Variants in GPC5 observed in about 807,000 individuals in gnomAD.
The protein encoded by GPC5 is glypican-5.
GPC5 carries 47 observed loss-of-function variants against 53.9 expected under a neutral mutation model. The observed-to-expected ratio is 0.87, with a 90% CI of 0.69 to 1.11. The LOEUF is 1.11. Among genes scored for constraint, GPC5 ranks in the 50% most tolerant of loss-of-function variants. The probability of loss-of-function intolerance (pLI) is 0.00; values close to 1 mark genes in which losing one functional copy is unlikely to be tolerated. For missense variants in GPC5, 748 were observed against 713.1 expected (o/e 1.05, Z -0.56); for synonymous variants, 286 against 263.3 (o/e 1.09, Z -0.84).
chr13:91,610,020 A>T (rs1289591122), intron 2 of GPC5, among the ~76,000 whole-genome samples: 1 of 152,138 alleles, frequency 6.6e-6, no homozygotes, highest in South Asian at 2.1e-4. Context: ...GCAACTATTT[A>T]TTTGGTACTT....
At chr13:91,583,472 G>A (rs1339447248) in intron 2 of GPC5, among the ~76,000 whole-genome samples, 5 of 152,124 alleles carry the variant, frequency 3.3e-5, no homozygotes, top group Non-Finnish European at 7.4e-5. Context: ...AAAGAGACAT[G>A]TCCTTGAAAA....
intron 6 of GPC5, among the ~76,000 whole-genome samples, chr13:92,136,349 A>G (rs2041784057): frequency 6.6e-6 from 1 of 152,116 alleles, no homozygotes; most frequent in Non-Finnish European, 1.5e-5. Context: ...TTATAATTGC[A>G]TGTATATATC....
chr13:92,267,471 A>G (rs1390784268), intron 7 of GPC5, among the ~76,000 whole-genome samples: 1 of 151,834 alleles, frequency 6.6e-6, no homozygotes. Flanking sequence ...GCCATACCAC[A>G]CTGTCCGGGT....
intron 6 of GPC5, among the ~76,000 whole-genome samples, chr13:91,917,314 G>T (rs759754393): frequency 1.3e-5 from 2 of 152,208 alleles, no homozygotes; most frequent in Non-Finnish European, 2.9e-5. Flanking sequence ...CTCACATCCA[G>T]GTCACACTGA....
At chr13:91,678,627 C>T (rs1301155362) in intron 2 of GPC5, among the ~76,000 whole-genome samples, 1 of 151,738 alleles carries the variant, frequency 6.6e-6, no homozygotes, top group Non-Finnish European at 1.5e-5. Context: ...ATTCTTAGAG[C>T]AATAAATATG....
At chr13:91,996,015 G>A (rs991254609) in intron 6 of GPC5, 3 of 152,212 alleles carry the variant, frequency 2.0e-5, no homozygotes, top group African/African-American at 7.2e-5. Context: ...CCCTCTTTGG[G>A]TTGTGGCACT....
intron 7 of GPC5, among the ~76,000 whole-genome samples, chr13:92,554,563 C>T (rs1053394671): frequency 1.4e-5 from 2 of 146,404 alleles, no homozygotes; most frequent in African/African-American, 2.5e-5. Context: ...CTTAATGAAA[C>T]AAAAATTCAT....
intron 7 of GPC5, among the ~76,000 whole-genome samples, chr13:92,267,440 G>A (rs1298888946): frequency 1.3e-5 from 2 of 151,898 alleles, no homozygotes; most frequent in Non-Finnish European, 2.9e-5. Flanking sequence ...TCTGTTCTTT[G>A]TATTTCTTTT....
intron 5 of GPC5, among the ~76,000 whole-genome samples, chr13:91,854,099 G>GTTCT (rs2038942248): frequency 6.8e-6 from 1 of 146,278 alleles, no homozygotes; most frequent in South Asian, 2.5e-4. Context: ...AGGTACCAGT[G>GTTCT]TTCTATGAGC....
At chr13:92,862,217 C>T (rs567887522) in intron 7 of GPC5, among the ~76,000 whole-genome samples, 1 of 152,132 alleles carries the variant, frequency 6.6e-6, no homozygotes, top group Non-Finnish European at 1.5e-5. Flanking sequence ...TTAATTATAT[C>T]AAACTTCCTA....
intron 3 of GPC5, among the ~76,000 whole-genome samples, chr13:91,713,473 C>T (rs1236093307): frequency 6.6e-6 from 1 of 152,020 alleles, no homozygotes; most frequent in Non-Finnish European, 1.5e-5. Flanking sequence ...TTTCCTTTCC[C>T]GTCATTTTCT....
At chr13:92,369,093 G>T (rs1296843355) in intron 7 of GPC5, among the ~76,000 whole-genome samples, 1 of 152,194 alleles carries the variant, frequency 6.6e-6, no homozygotes, top group Admixed American at 6.5e-5. Flanking sequence ...TTCTCACAAA[G>T]ATTTCAATTA....
chr13:92,494,055 T>A (rs529858001), intron 7 of GPC5, among the ~76,000 whole-genome samples: 2 of 102,236 alleles, frequency 2.0e-5, no homozygotes, highest in African/African-American at 8.1e-5. Context: ...TTACTTTGTG[T>A]TTTTTTTTGT....
chr13:91,753,775 A>C (rs2037229825), intron 4 of GPC5, among the ~76,000 whole-genome samples: 1 of 151,822 alleles, frequency 6.6e-6, no homozygotes, highest in African/African-American at 2.4e-5. Context: ...TCTTACCCTT[A>C]CTCATCCAGG....
intron 5 of GPC5, among the ~76,000 whole-genome samples, chr13:91,826,807 T>C (rs1158323239): frequency 6.6e-6 from 1 of 152,038 alleles, no homozygotes; most frequent in Non-Finnish European, 1.5e-5. Flanking sequence ...CACTGTTCAA[T>C]TGAATGAGTG....
At chr13:92,604,340 CATAAT>C (rs1884181337) in intron 7 of GPC5, among the ~76,000 whole-genome samples, 1 of 152,184 alleles carries the variant, frequency 6.6e-6, no homozygotes, top group Admixed American at 6.5e-5. Flanking sequence ...AGTGGTTTAA[CATAAT>C]ATTTGTAAAT....
intron 5 of GPC5, among the ~76,000 whole-genome samples, chr13:91,824,878 G>A (rs2038551980): frequency 6.6e-6 from 1 of 151,962 alleles, no homozygotes; most frequent in African/African-American, 2.4e-5. Flanking sequence ...ATGTACATTA[G>A]ATATTCTGCA....
intron 5 of GPC5, among the ~76,000 whole-genome samples, chr13:91,872,988 T>G (rs890487770): frequency 2.6e-5 from 4 of 152,202 alleles, no homozygotes; most frequent in Non-Finnish European, 5.9e-5. Flanking sequence ...CCACCATCTC[T>G]GTATTTTTGT....
At chr13:92,667,547 T>C (rs9516113) in intron 7 of GPC5, among the ~76,000 whole-genome samples, 99,642 of 151,824 alleles carry the variant, frequency 0.66, 32,951 homozygotes, top group South Asian at 0.73. Context: ...TGAGGTTTTC[T>C]GTGTAATTAA....
Sources: allele counts gnomAD v4.1 joint callset (sites outside exome capture counted in the v4.1 genomes callset), GRCh38; gene constraint gnomAD v4.1.1; transcripts MANE v1.5; gene names NCBI Gene and HGNC (gene_info 2026-07-23, HGNC 2026-07-21).